The following HIP1 variants were observed in gnomAD, a reference collection of about 807,000 sequenced individuals.
HIP1 encodes huntingtin-interacting protein 1.
A neutral mutation model predicts 147.6 loss-of-function variants in HIP1; 65 were observed. That is an observed-to-expected ratio of 0.44 (90% CI 0.36 to 0.54). The LOEUF is 0.54. HIP1 is among the 20% of genes least tolerant of loss of function. The pLI is 0.00. For missense variants in HIP1, 1,061 were observed against 1,299.6 expected (o/e 0.82, Z 2.82); for synonymous variants, 479 against 504.0 (o/e 0.95, Z 0.67).
rs1795742681 is a variant in HIP1, at chr7:75,573,980, G to T, written c.605-79C>A. 4 of 1,309,696 alleles carry T rather than the reference G, an allele frequency of 3.1e-6. No individual in the cohort carries two copies. In the African/African-American group the frequency reaches 4.4e-5, roughly 14 times the overall value. 81.1% of individuals were successfully genotyped at this position (1,309,696 alleles called of 1,614,324 possible). A position where few individuals can be genotyped will look rare whatever the true frequency, so the allele number is the denominator to read the frequency against. On this transcript the variant is annotated intron_variant, in intron 7 of 30. Coordinates refer to ENST00000336926, the MANE Select transcript of HIP1 (RefSeq NM_005338.7). The stretch of plus-strand genomic sequence containing the variant: ...CCTCTTCAGAGGGGCAGAGGCAGGG[G>T]TCCAACATACACCAAGGACCGATTC...
chr7:75,656,433 G>GAA (rs34354618), intron 1 of HIP1, among the ~76,000 whole-genome samples: 1,878 of 134,130 alleles, frequency 0.014, 44 homozygotes, highest in African/African-American at 0.046. Context: ...TATAAACTTA[G>GAA]AAAAAAAAAA....
chr7:75,618,254 C>T (rs772240038), intron 1 of HIP1, among the ~76,000 whole-genome samples: 1 of 152,144 alleles, frequency 6.6e-6, no homozygotes, highest in Admixed American at 6.6e-5. Context: ...TGGGTTCAAG[C>T]GATTCTCACA....
intron 1 of HIP1, among the ~76,000 whole-genome samples, chr7:75,638,255 C>G (rs1027380135): frequency 2.0e-5 from 3 of 151,960 alleles, no homozygotes; most frequent in African/African-American, 4.8e-5. Flanking sequence ...TCCGGGCCTC[C>G]AGGTGCTCCC....
chr7:75,571,809 C>G (rs951958025), intron 8 of HIP1, among the ~76,000 whole-genome samples: 2 of 152,074 alleles, frequency 1.3e-5, no homozygotes, highest in Non-Finnish European at 2.9e-5. Context: ...GTCTCCAACC[C>G]CTGAGCTCAA....
intron 22 of HIP1, 27 bp downstream of exon 22, chr7:75,553,426 G>A: frequency 6.2e-7 from 1 of 1,609,820 alleles, no homozygotes; most frequent in Non-Finnish European, 8.5e-7. Context: ...GAATAACAAT[G>A]CTCCTCAATG....
In HIP1 at chr7:75,548,909, A is replaced by T; in HGVS notation, c.2388T>A (p.Thr796=). ...EMAATSAAIE[T]ATARIEEMLS... is the part of the protein sequence containing the mutation. ...CTCCTACCTCTATTCTGGCCGTGGC[A>T]GTTTCAATAGCAGCTGAAGTGGCCG... is the stretch of plus-strand genomic sequence containing the variant. Residue 796 remains threonine (T), a synonymous_variant, in exon 23 of 31, where the codon ACT becomes ACA. Coordinates refer to ENST00000336926, the MANE Select transcript of HIP1 (RefSeq NM_005338.7). 1.9e-6 allele frequency: 3 copies of T among 1,613,596 alleles called. No individual in the cohort carries two copies. The East Asian group carries it at 6.7e-5, about 36-fold the overall frequency.
At chr7:75,649,248 T>A (rs1008773530) in intron 1 of HIP1, among the ~76,000 whole-genome samples, 1 of 152,182 alleles carries the variant, frequency 6.6e-6, no homozygotes, top group Non-Finnish European at 1.5e-5. Flanking sequence ...AGTCTCAAAC[T>A]CCCGACCTCA....
chr7:75,683,690 C>T (rs1372003880), intron 1 of HIP1, among the ~76,000 whole-genome samples: 1 of 152,176 alleles, frequency 6.6e-6, no homozygotes, highest in Non-Finnish European at 1.5e-5. Context: ...CTGTGAACCT[C>T]CCATCCCTCC....
At chr7:75,672,868 T>C (rs2696209) in intron 1 of HIP1, among the ~76,000 whole-genome samples, 85,286 of 151,254 alleles carry the variant, frequency 0.56, 24,483 homozygotes, top group African/African-American at 0.66. Context: ...AAGAGTCTTG[T>C]CATCCTTGTT....
At chr7:75,713,538 A>G (rs561341697) in intron 1 of HIP1, among the ~76,000 whole-genome samples, 49 of 152,088 alleles carry the variant, frequency 3.2e-4, no homozygotes, top group African/African-American at 1.1e-3. Flanking sequence ...GACATTCTCC[A>G]CCCTCTGATG....
intron 13 of HIP1, among the ~76,000 whole-genome samples, chr7:75,560,601 C>T (rs1179266908): frequency 6.6e-6 from 1 of 152,140 alleles, no homozygotes; most frequent in East Asian, 1.9e-4. Flanking sequence ...TTGTTCTCCA[C>T]AGCTTCTCAG....
intron 1 of HIP1, among the ~76,000 whole-genome samples, chr7:75,633,601 C>T (rs1798314841): frequency 6.6e-6 from 1 of 152,148 alleles, no homozygotes; most frequent in Admixed American, 6.6e-5. Context: ...GCCTATTTCA[C>T]TCTTTCATAT....
intron 2 of HIP1, among the ~76,000 whole-genome samples, chr7:75,597,832 C>A (rs782147066): frequency 2.6e-5 from 4 of 152,050 alleles, no homozygotes; most frequent in South Asian, 2.1e-4. Flanking sequence ...TAGCCACCCC[C>A]CTGGCAGACT....
Position 75,544,792 on chromosome 7 carries a change from G to A in HIP1, c.2669C>T (p.Ala890Val), listed in dbSNP as rs367798980. The A allele has an allele frequency of 5.0e-6, 8 of 1,607,264 alleles. No homozygotes were observed. The highest frequency in any genetic ancestry group is 6.0e-6 in the Non-Finnish European group (7 of 1,173,934). ...CCCTCTGCCTTGTACCACCAGATCA[G>A]CTGCATCCCTGATGGAAAACGACAA... ...GWGATVMVDA[A>V]DLVVQGRGKF... The change falls in exon 27 of 31, where the codon GCT (alanine) becomes GTT (valine). Residue 890 changes from alanine (A) to valine (V), a missense_variant. Transcript: ENST00000336926.
chr7:75,693,777 G>A (rs147954057), intron 1 of HIP1, among the ~76,000 whole-genome samples: 1,491 of 145,946 alleles, frequency 0.01, 36 homozygotes, highest in African/African-American at 0.035. Context: ...CGGGGGAAGG[G>A]AGGGAGGGAG....
At chr7:75,660,710 C>A (rs1377353848) in intron 1 of HIP1, among the ~76,000 whole-genome samples, 3 of 152,096 alleles carry the variant, frequency 2.0e-5, no homozygotes, top group Non-Finnish European at 2.9e-5. Context: ...GGTTTGTTGG[C>A]CTCCTTCCAG....
intron 1 of HIP1, among the ~76,000 whole-genome samples, chr7:75,698,090 A>G (rs1800696835): frequency 6.6e-6 from 1 of 152,162 alleles, no homozygotes; most frequent in South Asian, 2.1e-4. Flanking sequence ...AGGTGCCGGG[A>G]TTATAGGCAT....
At chr7:75,585,104 C>G (rs938488241) in intron 5 of HIP1, among the ~76,000 whole-genome samples, 1 of 152,038 alleles carries the variant, frequency 6.6e-6, no homozygotes, top group South Asian at 2.1e-4. Context: ...CCTGCCTTGG[C>G]CTTCCATTGT....
intron 22 of HIP1, among the ~76,000 whole-genome samples, chr7:75,550,991 C>T (rs587639972): frequency 4.6e-5 from 7 of 152,078 alleles, no homozygotes; most frequent in South Asian, 2.1e-4. Flanking sequence ...AGAGAACAGA[C>T]GGATGAATTA....
Sources: gnomAD v4.1 joint callset for allele counts (sites outside exome capture counted in the v4.1 genomes callset) on GRCh38, gnomAD v4.1.1 for gene constraint, MANE v1.5 for transcripts, NCBI Gene and HGNC (gene_info 2026-07-23, HGNC 2026-07-21) for gene names.